SYCE1: variants seen among roughly 807,000 people sequenced by gnomAD.
The protein encoded by SYCE1 is cancer/testis antigen 76.
In SYCE1, 37 loss-of-function variants were observed where a neutral mutation model predicts 55.1. That is an observed-to-expected ratio of 0.67 (90% CI 0.52 to 0.88). The LOEUF is 0.88. SYCE1 is among the 40% of genes least tolerant of loss of function. SYCE1 has a pLI of 0.00. For synonymous variants in SYCE1, 163 were observed against 159.4 expected (o/e 1.02, Z -0.17); for missense variants, 399 against 416.4 (o/e 0.96, Z 0.36).
chr10:133,557,266 G>T (rs1486717872), intron 6 of SYCE1, 110 bp from the exon 7 acceptor site: 2 of 832,056 alleles, frequency 2.4e-6, no homozygotes. Flanking sequence ...CTACATTAAG[G>T]TCCTTCTCTG....
At chr10:133,566,863 G>C (rs76743081), upstream of SYCE1, among the ~76,000 whole-genome samples, 5 of 22,762 alleles carry the variant, frequency 2.2e-4, no homozygotes, top group South Asian at 4.5e-3. Context: ...TTAGGGTTAG[G>C]GTTAGGGTTA....
In SYCE1 at chr10:133,555,049, G is replaced by C; in HGVS notation, c.999C>G (p.Asp333Glu). The C allele has an allele frequency of 6.4e-7, 1 of 1,551,490 alleles. No individual in the cohort carries two copies. Among genetic ancestry groups the C allele is most frequent in the Non-Finnish European group, 8.7e-7 (1 of 1,146,928 alleles). The change falls in exon 13 of 13, where the codon GAC (aspartate) becomes GAG (glutamate). Residue 333 changes from aspartate to glutamate, a missense_variant. Physicochemically the swap from Asp to Glu is conservative, Grantham distance 45 (BLOSUM62 2). Coordinates refer to ENST00000343131, the MANE Select transcript of SYCE1 (RefSeq NM_001143764.3). ...AGPDVLIGQE[D>E]TLHPDLSPRG... Reference sequence around the variant, plus strand: ...TTGGGCTAAGGTCGGGGTGGAGTGTGTCCTCCTGGCCTATGAGGACATCAG... The same window carrying C: ...TTGGGCTAAGGTCGGGGTGGAGTGTCTCCTCCTGGCCTATGAGGACATCAG...
chr10:133,564,399 C>A, intron 1 of SYCE1: 1 of 984,948 alleles, frequency 1.0e-6, no homozygotes, highest in African/African-American at 1.7e-5. Context: ...TTAAAACTTA[C>A]CTAAATATAC....
At position 133,558,877 on chromosome 10, in the gene SYCE1, G is replaced by C; in HGVS notation, c.271C>G (p.Leu91Val). The change falls in exon 4 of 13, where the codon CTG (leucine) becomes GTG (valine). Residue 91 changes from leucine to valine, a missense_variant and splice_region_variant. Physicochemically the swap from Leu to Val is conservative, Grantham distance 32 (BLOSUM62 1). Transcript: ENST00000343131. ...TCTGGGTGACCCCCGGCTCTCTTAC[G>C]CGAGTCCAGTTCCTTCTGCAGGGCC... ...CEALQKELDS[L>V]HGEKVHLKEI... The C allele has an allele frequency of 6.2e-7, 1 of 1,613,586 alleles. No homozygotes were observed. Among genetic ancestry groups the C allele is most frequent in the African/African-American group, 1.3e-5 (1 of 74,934 alleles).
At chr10:133,562,944 A>C (rs1467256441) in intron 1 of SYCE1, among the ~76,000 whole-genome samples, 1 of 145,144 alleles carries the variant, frequency 6.9e-6, no homozygotes, top group Non-Finnish European at 1.5e-5. Context: ...TATTTGGGTG[A>C]GGACACAGAT....
At chr10:133,557,468 A>G in intron 6 of SYCE1, 1 of 494,648 alleles carries the variant, frequency 2.0e-6, no homozygotes. Context: ...GAGCTAAATC[A>G]GGAGGTGGAG....
At chr10:133,565,380 C>T (rs979131015) in intron 1 of SYCE1, 77 bp downstream of exon 1, 370 of 1,323,998 alleles carry the variant, frequency 2.8e-4, no homozygotes, top group Non-Finnish European at 3.6e-4. Flanking sequence ...AAGAAGCAGC[C>T]GCCACCCGCG....
chr10:133,566,659 G>C (rs12766748), upstream of SYCE1, among the ~76,000 whole-genome samples: 12,843 of 149,064 alleles, frequency 0.086, 767 homozygotes, highest in East Asian at 0.24. Context: ...TCAGGGGTGG[G>C]GGTTAGGGTT....
intron 1 of SYCE1, among the ~76,000 whole-genome samples, chr10:133,562,429 C>T (rs1851838564): frequency 6.6e-6 from 1 of 151,678 alleles, no homozygotes; most frequent in Non-Finnish European, 1.5e-5. Context: ...TCATATAGTT[C>T]TGCTGTCTCT....
upstream of SYCE1, among the ~76,000 whole-genome samples, chr10:133,566,495 G>A (rs528242307): frequency 6.6e-6 from 1 of 151,512 alleles, no homozygotes; most frequent in East Asian, 2.0e-4. Flanking sequence ...TTAGAATTAG[G>A]GTTTGGGGTT....
rs1281641815 is a variant in SYCE1 at position 133,557,269 on chromosome 10, C to A, written c.375-113G>T. 3.6e-6 allele frequency: 3 copies of A among 828,720 alleles called. No individual in the cohort carries two copies. The African/African-American group carries it at 5.0e-5, about 14-fold the overall frequency. The allele number at this position is 828,720 out of a possible 1,614,324, so 51.3% of individuals were successfully genotyped here. Reference sequence around the variant, plus strand: ...TATTTTTTCCCTCTACATTAAGGTCCTTCTCTGTAACATGTGGTAAGTAGG... The same window carrying A: ...TATTTTTTCCCTCTACATTAAGGTCATTCTCTGTAACATGTGGTAAGTAGG... On this transcript the variant is annotated intron_variant, in intron 6 of 12. Transcript: ENST00000343131.
At chr10:133,559,125 G>T in intron 3 of SYCE1, 174 bp from the exon 4 acceptor site, 1 of 909,510 alleles carries the variant, frequency 1.1e-6, no homozygotes. Flanking sequence ...CAGGATCATG[G>T]GCATGTAACT....
chr10:133,566,028 G>A (rs1177061834), upstream of SYCE1, among the ~76,000 whole-genome samples: 2 of 152,228 alleles, frequency 1.3e-5, no homozygotes, highest in African/African-American at 2.4e-5. Flanking sequence ...AGCCCCCGCT[G>A]GGCCCGCTGT....
chr10:133,567,961 G>T (rs767246023), upstream of SYCE1: 29 of 577,206 alleles, frequency 5.0e-5, no homozygotes, highest in South Asian at 3.5e-4. Flanking sequence ...GGTCCACAGG[G>T]GCAGCCAGCA....
Position 133,565,465 on chromosome 10 carries a change from T to A in SYCE1, c.65A>T (p.Lys22Met), listed in dbSNP as rs1851906579. 6.5e-7 allele frequency: 1 copy of A among 1,548,518 alleles called. No homozygotes were observed. Among genetic ancestry groups the A allele is most frequent in the South Asian group, 1.2e-5 (1 of 83,446 alleles). The change falls in exon 1 of 13, where the codon AAG becomes ATG. Residue 22 changes from lysine (K) to methionine (M), a missense_variant. Lys to Met is a moderately conservative substitution (Grantham distance 95, BLOSUM62 -1). Coordinates refer to ENST00000343131, the MANE Select transcript of SYCE1 (RefSeq NM_001143764.3). ...CTGCCTCCCACCACTACCTCCGGCC[T>A]TCTCAGCCCTGTCCACGGCTCCTGC... The part of the protein sequence containing the change: ...PTAGAVDRAE[K>M]AGGQDTSSQK...
intron 7 of SYCE1, 51 bp downstream of exon 7, chr10:133,557,016 T>C (rs1462937823): frequency 6.4e-6 from 10 of 1,565,074 alleles, no homozygotes; most frequent in Non-Finnish European, 8.8e-6. Context: ...TTTGACATTA[T>C]ATCCCAACTA....
At chr10:133,554,306 A>G (rs749657525), downstream of SYCE1, 37 of 1,613,888 alleles carry the variant, frequency 2.3e-5, no homozygotes, top group Non-Finnish European at 4.2e-6. Flanking sequence ...CCACCATGTC[A>G]CTGGTCTACC....
chr10:133,556,770 A>G lies in SYCE1; in HGVS notation c.517T>C (p.Trp173Arg). The G allele has an allele frequency of 6.4e-7, 1 of 1,567,176 alleles. No homozygotes were observed. Among genetic ancestry groups the G allele is most frequent in the Non-Finnish European group, 8.7e-7 (1 of 1,155,940 alleles). The change falls in exon 8 of 13, where the codon TGG (tryptophan) becomes CGG (arginine). Residue 173 changes from tryptophan (W) to arginine (R), a missense_variant. Transcript: ENST00000343131. ...EDLMGQHKDL[W>R]DFHMPERLAK... ...TTTGAGGGACTCACGTGGAAGTCCC[A>G]GAGGTCCTTGTGCTGGCCCATCAGA...
chr10:133,555,313 G>A (rs2133612966), intron 12 of SYCE1, 38 bp downstream of exon 12: 1 of 1,611,158 alleles, frequency 6.2e-7, no homozygotes, highest in Middle Eastern at 1.7e-4. Context: ...CCCTTCAGTA[G>A]CTGTTTCTGT....
Sources: gnomAD v4.1 joint callset for allele counts (sites outside exome capture counted in the v4.1 genomes callset) on GRCh38, gnomAD v4.1.1 for gene constraint, MANE v1.5 for transcripts, NCBI Gene and HGNC (gene_info 2026-07-23, HGNC 2026-07-21) for gene names.